The following LARGE1 variants were observed in gnomAD, a reference collection of about 807,000 sequenced individuals.
The protein encoded by LARGE1 is LARGE xylosyl- and glucuronyltransferase 1.
Under a neutral mutation model 87.6 loss-of-function variants are expected in LARGE1, and 43 were observed. The ratio of observed to expected loss-of-function variants is 0.49; its 90% CI spans 0.38 to 0.63. LARGE1 has a LOEUF of 0.63. Among genes scored for constraint, LARGE1 ranks in the 30% least tolerant of loss-of-function variants. LARGE1 has a pLI of 0.00. For synonymous variants in LARGE1, 434 were observed against 394.6 expected (o/e 1.10, Z -1.18); for missense variants, 802 against 1,000.2 (o/e 0.80, Z 2.67).
In LARGE1 at chr22:33,273,345, A is replaced by C; in HGVS notation, c.*1082T>G. The C allele has an allele frequency of 2.5e-6, 1 of 398,832 alleles. No homozygotes were observed. 24.7% of individuals were successfully genotyped at this position (398,832 alleles called of 1,614,324 possible). On this transcript the variant is annotated 3_prime_UTR_variant, in exon 15 of 15. Transcript: ENST00000397394. ...TCTTCCCATCCACAGTGAAGCAGGC[A>C]AGAACCAGAGGAACCCAATCACTTT...
At chr22:33,758,716 C>T (rs2084614144) in intron 2 of LARGE1, among the ~76,000 whole-genome samples, 1 of 152,232 alleles carries the variant, frequency 6.6e-6, no homozygotes, top group South Asian at 2.1e-4. Flanking sequence ...ACCATCAACA[C>T]ATCTAACCAT....
intron 11 of LARGE1, among the ~76,000 whole-genome samples, chr22:33,194,093 A>G (rs1481713404): frequency 2.6e-5 from 4 of 151,820 alleles, no homozygotes; most frequent in Non-Finnish European, 4.4e-5. Flanking sequence ...AAATTTTTAT[A>G]CTTACTTTTT....
chr22:33,406,010 G>A (rs5998933), intron 7 of LARGE1, among the ~76,000 whole-genome samples: 66,662 of 152,052 alleles, frequency 0.44, 18,240 homozygotes, highest in African/African-American at 0.78. Flanking sequence ...CATTTCCTCA[G>A]TCTTATCCAA....
chr22:33,584,507 C>T (rs2078611920), intron 5 of LARGE1, among the ~76,000 whole-genome samples: 1 of 152,192 alleles, frequency 6.6e-6, no homozygotes, highest in Non-Finnish European at 1.5e-5. Flanking sequence ...TGAGCTTTTC[C>T]TCATCTGTAT....
chr22:33,192,341 A>C (rs1187267430), intron 11 of LARGE1, among the ~76,000 whole-genome samples: 1 of 152,186 alleles, frequency 6.6e-6, no homozygotes, highest in Non-Finnish European at 1.5e-5. Context: ...GCCTATTAAA[A>C]GAACTTTCTT....
At position 33,722,557 on chromosome 22, in the gene LARGE1, G is replaced by A. The variant is rs753069076; in HGVS notation, c.106+38814C>T. On this transcript the variant is annotated intron_variant, in intron 2 of 14. Transcript: ENST00000397394. The stretch of plus-strand genomic sequence containing the variant: ...GAGCACCTATGATGTGCATGGAACC[G>A]AGCTGCACATTATGGGGGAAATACA... Among the ~76,000 whole-genome samples, 6 of 152,132 alleles carry A rather than the reference G, an allele frequency of 3.9e-5. 1 individual carries two copies. The South Asian group carries it at 6.2e-4, about 16-fold the overall frequency.
intron 7 of LARGE1, among the ~76,000 whole-genome samples, chr22:33,416,367 A>T (rs1211834091): frequency 2.6e-5 from 4 of 152,010 alleles, no homozygotes; most frequent in African/African-American, 9.7e-5. Context: ...AGTCCATGCC[A>T]CCATCCCCCA....
At chr22:33,299,657 C>T (rs1933879090) in intron 12 of LARGE1, among the ~76,000 whole-genome samples, 1 of 152,168 alleles carries the variant, frequency 6.6e-6, no homozygotes, top group South Asian at 2.1e-4. Flanking sequence ...GGGCACCCGC[C>T]ATAGCCCCAC....
At chr22:33,695,625 GT>G (rs1263800693) in intron 2 of LARGE1, among the ~76,000 whole-genome samples, 1 of 152,034 alleles carries the variant, frequency 6.6e-6, no homozygotes, top group African/African-American at 2.4e-5. Flanking sequence ...CACATCTTTG[GT>G]TTTTTAATGC....
chr22:33,739,238 G>C (rs968694834), intron 2 of LARGE1, among the ~76,000 whole-genome samples: 1 of 152,024 alleles, frequency 6.6e-6, no homozygotes. Context: ...GGTGCACACC[G>C]GCAGGACCAG....
In LARGE1 at chr22:33,533,221, G is replaced by A. The variant is rs34530212; in HGVS notation, c.787+31627C>T. Among the ~76,000 whole-genome samples the A allele has an allele frequency of 7.9e-3, 1,200 of 152,142 alleles. 5 individuals carry two copies. Among genetic ancestry groups the A allele is most frequent in the Middle Eastern group, 0.031 (9 of 294 alleles). Reference sequence around the variant, plus strand: ...TTATGAGCAAAGACAAGTGTTGTTCGGCTTTTTTAGGTACCTATAAAAATT... The same window carrying A: ...TTATGAGCAAAGACAAGTGTTGTTCAGCTTTTTTAGGTACCTATAAAAATT... On this transcript the variant is annotated intron_variant, in intron 6 of 14. Coordinates refer to ENST00000397394, the MANE Select transcript of LARGE1 (RefSeq NM_133642.5).
At chr22:33,156,921 C>T in the LARGE1 span, among the ~76,000 whole-genome samples, 10 of 152,246 alleles carry the variant, frequency 6.6e-5, no homozygotes, top group South Asian at 8.3e-4. Flanking sequence ...ATAAGTCTTA[C>T]GAGATCTGAT....
intron 5 of LARGE1, among the ~76,000 whole-genome samples, chr22:33,601,396 A>C (rs1378109329): frequency 3.3e-5 from 5 of 152,184 alleles, no homozygotes; most frequent in Non-Finnish European, 7.4e-5. Context: ...CAGAACAGCA[A>C]CTAAGCAGAT....
intron 6 of LARGE1, among the ~76,000 whole-genome samples, chr22:33,516,602 T>A (rs1569230765): frequency 6.6e-6 from 1 of 151,972 alleles, no homozygotes. Flanking sequence ...ATTATTATTA[T>A]TATTTTTGAG....
chr22:33,306,930 A>G (rs547010703), intron 11 of LARGE1, among the ~76,000 whole-genome samples: 3 of 152,264 alleles, frequency 2.0e-5, no homozygotes, highest in East Asian at 1.9e-4. Context: ...CACATGAAAA[A>G]TAAGTTGAGC....
intron 1 of LARGE1, among the ~76,000 whole-genome samples, chr22:33,892,662 C>T (rs183053426): frequency 7.4e-4 from 112 of 152,354 alleles, no homozygotes; most frequent in African/African-American, 2.6e-3. Context: ...CATTTCACAG[C>T]CTTGTCAAGA....
At chr22:33,469,675 G>C in intron 6 of LARGE1, among the ~76,000 whole-genome samples, 1 of 151,412 alleles carries the variant, frequency 6.6e-6, no homozygotes, top group African/African-American at 2.4e-5. Context: ...AAATACAAAA[G>C]AAATTAGCTA....
intron 4 of LARGE1, among the ~76,000 whole-genome samples, chr22:33,623,177 G>T (rs978691395): frequency 4.0e-5 from 6 of 148,212 alleles, no homozygotes; most frequent in Non-Finnish European, 8.9e-5. Context: ...GACCTGATAC[G>T]TCATGGCAAC....
chr22:33,777,006 G>A (rs1289137886), intron 1 of LARGE1, among the ~76,000 whole-genome samples: 1 of 152,112 alleles, frequency 6.6e-6, no homozygotes, highest in Non-Finnish European at 1.5e-5. Flanking sequence ...AGGATAGTCA[G>A]GCAGACACAA....
Sources: allele counts gnomAD v4.1 joint callset (sites outside exome capture counted in the v4.1 genomes callset), GRCh38; gene constraint gnomAD v4.1.1; transcripts MANE v1.5; gene names NCBI Gene and HGNC (gene_info 2026-07-23, HGNC 2026-07-21).